CSMD1: variants seen among roughly 807,000 people sequenced by gnomAD.
The protein encoded by CSMD1 is CUB and Sushi multiple domains 1.
A neutral mutation model predicts 417.5 loss-of-function variants in CSMD1; 213 were observed. That is an observed-to-expected ratio of 0.51 (90% CI 0.46 to 0.57). CSMD1 has a LOEUF of 0.57. Among genes scored for constraint, CSMD1 ranks in the 20% least tolerant of loss-of-function variants. The pLI is 0.00. For missense variants in CSMD1, 6,923 were observed against 4,529.7 expected, an observed-to-expected ratio of 1.53 and a Z score of -15.17; for synonymous variants, 2,862 against 1,736.8, an observed-to-expected ratio of 1.65 and a Z score of -16.11.
At chr8:3,982,413 G>GA (rs1405437655) in intron 5 of CSMD1, among the ~76,000 whole-genome samples, 1 of 151,650 alleles carries the variant, frequency 6.6e-6, no homozygotes, top group Non-Finnish European at 1.5e-5. Flanking sequence ...CTAATATATG[G>GA]AAAGCACAAT....
Position 3,087,237 on chromosome 8 carries a change from T to C in CSMD1, c.7334A>G (p.Asn2445Ser). Residue 2445 changes from asparagine (N) to serine (S), a missense_variant, in exon 49 of 70, where the codon AAC becomes AGC. Asn to Ser is a conservative substitution (Grantham distance 46). Coordinates refer to ENST00000635120, the MANE Select transcript of CSMD1 (RefSeq NM_033225.6). ...THPLKNGGILNRTAGAVGSKV... is the reference protein window; with the variant it reads ...THPLKNGGILSRTAGAVGSKV... ...GCTTCCAACCGCTCCTGCAGTCCTGTTTAGAATACCCCCATTCTTCAGGGG... is the reference window on the plus strand; with the variant it reads ...GCTTCCAACCGCTCCTGCAGTCCTGCTTAGAATACCCCCATTCTTCAGGGG... 6.2e-7 allele frequency: 1 copy of C among 1,613,926 alleles called. No homozygotes were observed. Among genetic ancestry groups the C allele is most frequent in the Non-Finnish European group, 8.5e-7 (1 of 1,179,872 alleles).
At chr8:4,172,767 G>T (rs981047326) in intron 3 of CSMD1, among the ~76,000 whole-genome samples, 1 of 152,054 alleles carries the variant, frequency 6.6e-6, no homozygotes, top group Admixed American at 6.6e-5. Context: ...CTCTTTCTTG[G>T]ATCCCTTACC....
chr8:3,313,108 T>A (rs1487485108), intron 23 of CSMD1, among the ~76,000 whole-genome samples: 1 of 152,176 alleles, frequency 6.6e-6, no homozygotes, highest in East Asian at 1.9e-4. Context: ...GTTTCCATGT[T>A]TTAAGAAATC....
chr8:4,088,568 A>T (rs1465533112), intron 3 of CSMD1, among the ~76,000 whole-genome samples: 1 of 151,956 alleles, frequency 6.6e-6, no homozygotes, highest in Non-Finnish European at 1.5e-5. Context: ...AAGAAATATC[A>T]TTTCCTGAGA....
chr8:3,589,626 A>C (rs1317037122), intron 8 of CSMD1, among the ~76,000 whole-genome samples: 3 of 152,138 alleles, frequency 2.0e-5, no homozygotes, highest in Non-Finnish European at 4.4e-5. Context: ...GAGGAAGGAG[A>C]GGAAACAAAT....
intron 3 of CSMD1, among the ~76,000 whole-genome samples, chr8:4,353,750 T>TC (rs397774487): frequency 1.3e-5 from 2 of 150,492 alleles, no homozygotes; most frequent in African/African-American, 4.9e-5. Flanking sequence ...TGGAGATTTC[T>TC]TTTTTTGCCC....
At chr8:3,721,991 C>T (rs1009949137) in intron 6 of CSMD1, among the ~76,000 whole-genome samples, 1 of 152,144 alleles carries the variant, frequency 6.6e-6, no homozygotes, top group Admixed American at 6.5e-5. Flanking sequence ...AAGCCCCCCA[C>T]AAGCCAGTAC....
rs113217818 is a variant in CSMD1 at position 4,065,551 on chromosome 8, T to C, written c.416-33452A>G. Among the ~76,000 whole-genome samples the C allele has an allele frequency of 4.2e-3, 269 of 63,686 alleles. 2 individuals are homozygous for C. Among genetic ancestry groups the C allele is most frequent in the African/African-American group, 0.013 (246 of 19,102 alleles). 41.8% of individuals were successfully genotyped at this position (63,686 alleles called of 152,430 possible). A position where few individuals can be genotyped will look rare whatever the true frequency, so the allele number is the denominator to read the frequency against. On this transcript the variant is annotated intron_variant, in intron 3 of 69. Coordinates refer to ENST00000635120, the MANE Select transcript of CSMD1 (RefSeq NM_033225.6). ...CAAGAAACTGTATGTTTCTTGATAGTAGCTAATCTTTTTTCACTGCTAAAA... is the reference window on the plus strand; with the variant it reads ...CAAGAAACTGTATGTTTCTTGATAGCAGCTAATCTTTTTTCACTGCTAAAA...
At chr8:4,846,373 C>A (rs1478111042) in intron 1 of CSMD1, among the ~76,000 whole-genome samples, 2 of 152,122 alleles carry the variant, frequency 1.3e-5, no homozygotes, top group Non-Finnish European at 2.9e-5. Context: ...GCTTGGAGGG[C>A]TGACATGGTG....
intron 2 of CSMD1, among the ~76,000 whole-genome samples, chr8:4,515,530 A>G (rs17415732): frequency 0.099 from 15,045 of 152,280 alleles, 863 homozygotes; most frequent in Non-Finnish European, 0.11. Context: ...AACTTCATAC[A>G]GTTATTCAAA....
chr8:3,007,532 C>G (rs1044877492), intron 52 of CSMD1, among the ~76,000 whole-genome samples: 2 of 151,278 alleles, frequency 1.3e-5, no homozygotes, highest in African/African-American at 4.9e-5. Context: ...AAATGTCCAA[C>G]GATGATAGAC....
intron 5 of CSMD1, among the ~76,000 whole-genome samples, chr8:3,973,296 C>T (rs1042359446): frequency 6.6e-6 from 1 of 152,018 alleles, no homozygotes; most frequent in African/African-American, 2.4e-5. Flanking sequence ...TCCCACCTGC[C>T]GAGGGATTTG....
chr8:4,104,213 G>T (rs1331996174), intron 3 of CSMD1, among the ~76,000 whole-genome samples: 1 of 152,232 alleles, frequency 6.6e-6, no homozygotes, highest in African/African-American at 2.4e-5. Context: ...GTGTGTGAAT[G>T]TACGTGAGTG....
intron 1 of CSMD1, among the ~76,000 whole-genome samples, chr8:4,928,289 A>G (rs552345227): frequency 2.0e-5 from 3 of 152,170 alleles, no homozygotes; most frequent in East Asian, 3.9e-4. Flanking sequence ...CTGACCTCCC[A>G]TATGTGCACA....
intron 5 of CSMD1, among the ~76,000 whole-genome samples, chr8:3,831,638 C>T (rs1044451381): frequency 2.0e-5 from 3 of 152,112 alleles, no homozygotes; most frequent in African/African-American, 7.2e-5. Flanking sequence ...ATGGGTTTTC[C>T]TTCAAAAGGA....
intron 3 of CSMD1, among the ~76,000 whole-genome samples, chr8:4,386,329 G>C: frequency 7.1e-6 from 1 of 141,704 alleles, no homozygotes; most frequent in Non-Finnish European, 1.5e-5. Flanking sequence ...CCTACCTTCC[G>C]TCCTCGGTTA....
intron 2 of CSMD1, among the ~76,000 whole-genome samples, chr8:4,608,980 G>A (rs1418500693): frequency 6.6e-6 from 1 of 151,126 alleles, no homozygotes; most frequent in Non-Finnish European, 1.5e-5. Flanking sequence ...TCCTGCTGAG[G>A]TGCTCAAAGG....
chr8:3,223,689 A>C (rs1198761484), intron 28 of CSMD1, 40 bp downstream of exon 28: 2 of 1,605,342 alleles, frequency 1.2e-6, no homozygotes, highest in Non-Finnish European at 1.7e-6. Context: ...TATGGAATTA[A>C]AAATCCTACT....
intron 68 of CSMD1, among the ~76,000 whole-genome samples, chr8:2,944,585 G>C (rs1802092544): frequency 6.6e-6 from 1 of 152,052 alleles, no homozygotes; most frequent in African/African-American, 2.4e-5. Flanking sequence ...CAGGGATTTT[G>C]TTTTGTTTTG....
Sources: allele counts gnomAD v4.1 joint callset (sites outside exome capture counted in the v4.1 genomes callset), GRCh38; gene constraint gnomAD v4.1.1; transcripts MANE v1.5; gene names NCBI Gene and HGNC (gene_info 2026-07-23, HGNC 2026-07-21).